TMEM132B: variants seen among roughly 807,000 people sequenced by gnomAD.
TMEM132B encodes the protein transmembrane protein 132B.
In TMEM132B, 18 loss-of-function variants were observed where a neutral mutation model predicts 90.8. The ratio of observed to expected loss-of-function variants is 0.20; its 90% CI spans 0.14 to 0.29. The LOEUF (loss-of-function observed/expected upper bound fraction) is 0.29, where lower values mean the gene tolerates loss of function less well. Among genes scored for constraint, TMEM132B ranks in the 10% least tolerant of loss-of-function variants. TMEM132B has a pLI of 1.00. For synonymous variants in TMEM132B, 504 were observed against 523.3 expected (o/e 0.96, Z 0.50); for missense variants, 1,096 against 1,326.8 (o/e 0.83, Z 2.70).
At chr12:125,649,219 C>G (rs1420389740) in intron 6 of TMEM132B, among the ~76,000 whole-genome samples, 1 of 152,142 alleles carries the variant, frequency 6.6e-6, no homozygotes, top group Non-Finnish European at 1.5e-5. Flanking sequence ...GGCGGAATGT[C>G]ATATAGTAAA....
At chr12:125,629,098 G>A (rs541137896) in intron 5 of TMEM132B, among the ~76,000 whole-genome samples, 1 of 152,090 alleles carries the variant, frequency 6.6e-6, no homozygotes, top group East Asian at 1.9e-4. Context: ...CTCCAGTTTT[G>A]CTTTCTTTGC....
At chr12:125,519,365 C>T (rs1263096937) in intron 3 of TMEM132B, 74 bp from the exon 4 acceptor site, 2 of 1,416,522 alleles carry the variant, frequency 1.4e-6, no homozygotes, top group African/African-American at 1.4e-5. Context: ...AAGAATGTGG[C>T]AATTTATTAC....
chr12:125,366,593 T>C (rs1209957963), intron 2 of TMEM132B, among the ~76,000 whole-genome samples: 1 of 152,242 alleles, frequency 6.6e-6, no homozygotes, highest in African/African-American at 2.4e-5. Context: ...TTTTAAGATT[T>C]GCTCATCATC....
intron 4 of TMEM132B, among the ~76,000 whole-genome samples, chr12:125,579,203 C>A (rs774697406): frequency 6.6e-6 from 1 of 152,016 alleles, no homozygotes; most frequent in Non-Finnish European, 1.5e-5. Flanking sequence ...TTCACTGATT[C>A]TTTTTTTCTG....
chr12:125,638,969 A>G (rs1886559147), intron 5 of TMEM132B, among the ~76,000 whole-genome samples: 1 of 152,202 alleles, frequency 6.6e-6, no homozygotes, highest in South Asian at 2.1e-4. Context: ...ACAGATTAAC[A>G]TGACACAAAT....
At chr12:125,332,858 AAAAAACC>A (rs1379316478) in intron 1 of TMEM132B, among the ~76,000 whole-genome samples, 5 of 151,888 alleles carry the variant, frequency 3.3e-5, no homozygotes, top group African/African-American at 9.7e-5. Flanking sequence ...CTTAAAAAAC[AAAAAACC>A]AAAAACAAGA....
chr12:125,560,831 CAAA>C (rs58083131), intron 4 of TMEM132B, among the ~76,000 whole-genome samples: 8 of 29,250 alleles, frequency 2.7e-4, no homozygotes, highest in African/African-American at 1.1e-3. Context: ...GACTCTGTCT[CAAA>C]AAAAAAAAAA....
At chr12:125,199,027 A>G (rs1254022317) in intron 1 of TMEM132B, among the ~76,000 whole-genome samples, 1 of 152,222 alleles carries the variant, frequency 6.6e-6, no homozygotes, top group Non-Finnish European at 1.5e-5. Flanking sequence ...TGACCCAGCA[A>G]TCCCACTTCT....
Position 125,458,993 on chromosome 12 carries a change from T to G in TMEM132B, c.1106+43316T>G, listed in dbSNP as rs1045576480. Among the ~76,000 whole-genome samples, 2 of 152,200 alleles carry G rather than the reference T, an allele frequency of 1.3e-5. No homozygotes were observed. Among genetic ancestry groups the G allele is most frequent in the African/African-American group, 4.8e-5 (2 of 41,444 alleles). On this transcript the variant is annotated intron_variant, in intron 3 of 8. Transcript: ENST00000682704. This position sits in a 1 kb window ranked among gnomAD's most constrained non-coding sequence, Gnocchi z 4.9. ...AGGTGTGTGGTCATGGAGCTCAGAT[T>G]CCCTGTGGTCCCCCCATGTGCAATT...
chr12:125,603,045 C>T (rs374385592), intron 5 of TMEM132B, among the ~76,000 whole-genome samples: 1 of 152,122 alleles, frequency 6.6e-6, no homozygotes, highest in African/African-American at 2.4e-5. Context: ...AGTAATTTAT[C>T]GATTTAATTC....
At chr12:125,558,572 C>T (rs1592992575) in intron 4 of TMEM132B, among the ~76,000 whole-genome samples, 1 of 152,260 alleles carries the variant, frequency 6.6e-6, no homozygotes, top group East Asian at 1.9e-4. Context: ...ACCTTTATAT[C>T]ACTTCACAAT....
At chr12:125,488,660 C>T (rs1339420647) in intron 3 of TMEM132B, among the ~76,000 whole-genome samples, 1 of 152,172 alleles carries the variant, frequency 6.6e-6, no homozygotes, top group East Asian at 1.9e-4. Context: ...AACTGTAAGT[C>T]CATTAAACCT....
intron 1 of TMEM132B, among the ~76,000 whole-genome samples, chr12:125,230,753 C>G (rs1565979760): frequency 6.6e-6 from 1 of 151,952 alleles, no homozygotes; most frequent in African/African-American, 2.4e-5. Flanking sequence ...ATCCGCCCGC[C>G]TCGGCCTCGC....
At chr12:125,557,955 G>A (rs74970049) in intron 4 of TMEM132B, among the ~76,000 whole-genome samples, 1,823 of 152,262 alleles carry the variant, frequency 0.012, 38 homozygotes, top group African/African-American at 0.042. Context: ...CTGATAAAAG[G>A]CCCTCCTGTG....
intron 1 of TMEM132B, among the ~76,000 whole-genome samples, chr12:125,234,759 A>C (rs915026316): frequency 6.6e-6 from 1 of 152,224 alleles, no homozygotes; most frequent in Non-Finnish European, 1.5e-5. Flanking sequence ...GGATGCACCT[A>C]AAATGATAAC....
At chr12:125,412,084 TCTCAGA>T (rs1439857211) in intron 2 of TMEM132B, among the ~76,000 whole-genome samples, 1 of 152,156 alleles carries the variant, frequency 6.6e-6, no homozygotes, top group Non-Finnish European at 1.5e-5. Flanking sequence ...ACCCTCTGCT[TCTCAGA>T]CTCTGAGGAA....
In TMEM132B at chr12:125,219,243, G is replaced by A. The variant is rs534397491; in HGVS notation, c.67+32377G>A. 4.6e-5 allele frequency among the ~76,000 whole-genome samples: 7 copies of A among 152,294 alleles called. No homozygotes were observed. The South Asian group carries it at 1.2e-3, about 27-fold the overall frequency. ...ATGCAGAAATGCATTCCCAGGGTTT[G>A]GATGAAGATTCTGGATGACACCGAC... On this transcript the variant is annotated intron_variant, in intron 1 of 8. Coordinates refer to ENST00000682704, the MANE Select transcript of TMEM132B (RefSeq NM_001366854.1).
At chr12:125,637,995 A>G (rs12318459) in intron 5 of TMEM132B, among the ~76,000 whole-genome samples, 38,201 of 152,138 alleles carry the variant, frequency 0.25, 5,619 homozygotes, top group African/African-American at 0.4. Context: ...TGTATTCCAC[A>G]TAAATTATAA....
intron 4 of TMEM132B, among the ~76,000 whole-genome samples, chr12:125,560,831 CAAAAAAAAAA>C (rs58083131): frequency 2.1e-4 from 6 of 29,252 alleles, no homozygotes; most frequent in Admixed American, 7.8e-4. Flanking sequence ...GACTCTGTCT[CAAAAAAAAAA>C]AAAAAAAAAA....
Sources: gnomAD v4.1 joint callset for allele counts (sites outside exome capture counted in the v4.1 genomes callset) on GRCh38, gnomAD v4.1.1 for gene constraint, Gnocchi (gnomAD v3.1) non-coding constraint, MANE v1.5 for transcripts, NCBI Gene and HGNC (gene_info 2026-07-23, HGNC 2026-07-21) for gene names.